Variants in SLIT3 observed in about 807,000 individuals in gnomAD.
The protein encoded by SLIT3 is slit guidance ligand 3.
In SLIT3, 68 loss-of-function variants were observed where a neutral mutation model predicts 184.0. That is an observed-to-expected ratio of 0.37 (90% CI 0.30 to 0.45). The LOEUF (loss-of-function observed/expected upper bound fraction) is 0.45, where lower values mean the gene tolerates loss of function less well. Among genes scored for constraint, SLIT3 ranks in the 20% least tolerant of loss-of-function variants. SLIT3 has a pLI of 1.00. For missense variants in SLIT3, 1,707 were observed against 2,026.0 expected, an observed-to-expected ratio of 0.84 and a Z score of 3.02; for synonymous variants, 831 against 828.6, an observed-to-expected ratio of 1.00 and a Z score of -0.05.
At chr5:168,808,657 A>C (rs962346650) in intron 8 of SLIT3, among the ~76,000 whole-genome samples, 2 of 152,136 alleles carry the variant, frequency 1.3e-5, no homozygotes, top group Non-Finnish European at 1.5e-5. Flanking sequence ...GTCAGTGAAT[A>C]AGGAGTTTGG....
chr5:169,091,405 G>A (rs576818391), intron 4 of SLIT3, among the ~76,000 whole-genome samples: 1 of 152,192 alleles, frequency 6.6e-6, no homozygotes, highest in South Asian at 2.1e-4. Context: ...ATAAGGGGGA[G>A]CCATGGAGAA....
chr5:169,288,558 T>C (rs1179588210), intron 1 of SLIT3, among the ~76,000 whole-genome samples: 1 of 152,194 alleles, frequency 6.6e-6, no homozygotes, highest in Non-Finnish European at 1.5e-5. Context: ...GCCTTGTCAG[T>C]CATTTAGAGG....
At chr5:169,181,664 C>T (rs1763159963) in intron 4 of SLIT3, among the ~76,000 whole-genome samples, 1 of 151,432 alleles carries the variant, frequency 6.6e-6, no homozygotes, top group South Asian at 2.1e-4. Context: ...TCGCATGAAC[C>T]TGGGAGGTGG....
chr5:168,982,135 T>C (rs991728864), intron 4 of SLIT3, among the ~76,000 whole-genome samples: 1 of 152,264 alleles, frequency 6.6e-6, no homozygotes, highest in African/African-American at 2.4e-5. Context: ...TTTATGCCTG[T>C]GTAATCTAAT....
At position 168,953,773 on chromosome 5, in the gene SLIT3, T is replaced by C. The variant is rs577384386; in HGVS notation, c.414-70437A>G. Among the ~76,000 whole-genome samples the C allele has an allele frequency of 4.6e-5, 7 of 152,318 alleles. No homozygotes were observed. The South Asian group carries it at 1.0e-3, about 23-fold the overall frequency. On this transcript the variant is annotated intron_variant, in intron 4 of 35. Transcript: ENST00000519560. ...TGAAAGCATATTCTCACCCACACTC[T>C]CTTTTGGGCTCCATAATTTACTCTC...
chr5:169,119,681 C>T (rs775875549), intron 4 of SLIT3, among the ~76,000 whole-genome samples: 2 of 152,118 alleles, frequency 1.3e-5, no homozygotes, highest in Non-Finnish European at 2.9e-5. Context: ...GACAGAAGAA[C>T]GTGTCTTTGG....
chr5:168,706,040 A>G (rs187251539), intron 26 of SLIT3, among the ~76,000 whole-genome samples: 3 of 152,364 alleles, frequency 2.0e-5, no homozygotes, highest in East Asian at 3.9e-4. Flanking sequence ...ATGCAGTCAC[A>G]GTTCTAGGAG....
intron 1 of SLIT3, among the ~76,000 whole-genome samples, chr5:169,278,388 G>A (rs1766886025): frequency 6.6e-6 from 1 of 152,170 alleles, no homozygotes; most frequent in Non-Finnish European, 1.5e-5. Flanking sequence ...TAAACAGACT[G>A]GCCTGAATTA....
chr5:169,083,026 C>T (rs189926611), intron 4 of SLIT3, among the ~76,000 whole-genome samples: 2 of 141,144 alleles, frequency 1.4e-5, no homozygotes, highest in East Asian at 3.4e-4. Flanking sequence ...TAAATCTCTA[C>T]CATATGTAAC....
intron 5 of SLIT3, among the ~76,000 whole-genome samples, chr5:168,856,262 C>T (rs1386051956): frequency 6.6e-6 from 1 of 152,182 alleles, no homozygotes; most frequent in Non-Finnish European, 1.5e-5. Context: ...CTTGCTCTTT[C>T]CATGACAGGC....
chr5:168,844,659 T>C lies in SLIT3; in HGVS notation c.486-4A>G, dbSNP rs1758392588. 1 of 1,614,038 alleles carries C rather than the reference T, an allele frequency of 6.2e-7. No individual in the cohort carries two copies. The highest frequency in any genetic ancestry group is 8.5e-7 in the Non-Finnish European group (1 of 1,179,990). On this transcript the variant is annotated splice_polypyrimidine_tract_variant and splice_region_variant and intron_variant, in intron 5 of 35. Transcript: ENST00000519560. ...GATGTGGTTGTTGTCCAGTTGCCTG[T>C]GGAAAAGCAGGGGAGAGCATGAAGG...
At chr5:168,909,720 C>T (rs964223682) in intron 4 of SLIT3, among the ~76,000 whole-genome samples, 63 of 152,152 alleles carry the variant, frequency 4.1e-4, no homozygotes, top group African/African-American at 1.5e-3. Flanking sequence ...AAAACGATGC[C>T]TCCTGCTTTC....
At chr5:168,677,783 G>T (rs955897052) in intron 32 of SLIT3, among the ~76,000 whole-genome samples, 2 of 152,186 alleles carry the variant, frequency 1.3e-5, no homozygotes, top group Non-Finnish European at 2.9e-5. Context: ...CGTGGCCTGT[G>T]ACACCTAGCA....
At chr5:169,156,139 G>A (rs1364592040) in intron 4 of SLIT3, among the ~76,000 whole-genome samples, 1 of 152,188 alleles carries the variant, frequency 6.6e-6, no homozygotes, top group Non-Finnish European at 1.5e-5. Flanking sequence ...TCTGCAGAAT[G>A]TCAGGCTCAC....
At chr5:168,828,407 G>C (rs922756201) in intron 6 of SLIT3, among the ~76,000 whole-genome samples, 1 of 152,084 alleles carries the variant, frequency 6.6e-6, no homozygotes, top group African/African-American at 2.4e-5. Flanking sequence ...ACAGCGGGAG[G>C]ACTGCTTGAG....
At chr5:169,138,289 T>C (rs919312705) in intron 4 of SLIT3, among the ~76,000 whole-genome samples, 1 of 152,194 alleles carries the variant, frequency 6.6e-6, no homozygotes, top group Non-Finnish European at 1.5e-5. Flanking sequence ...CTACAGCCAA[T>C]GACTGGTGGA....
intron 25 of SLIT3, 95 bp downstream of exon 25, chr5:168,710,800 G>T: frequency 9.0e-7 from 1 of 1,114,462 alleles, no homozygotes; most frequent in South Asian, 2.7e-5. Context: ...GGTTTCTGAA[G>T]CCACATCTGT....
chr5:169,045,314 C>A (rs1757589591), intron 4 of SLIT3, among the ~76,000 whole-genome samples: 1 of 151,962 alleles, frequency 6.6e-6, no homozygotes, highest in African/African-American at 2.4e-5. Context: ...TCCTCACTGC[C>A]CGGGCTTTCC....
chr5:168,904,886 G>A (rs765219551), intron 4 of SLIT3, among the ~76,000 whole-genome samples: 3 of 152,178 alleles, frequency 2.0e-5, no homozygotes, highest in African/African-American at 7.2e-5. Context: ...GTGATATCCG[G>A]CTGGGTGTGG....
Sources: allele counts gnomAD v4.1 joint callset (sites outside exome capture counted in the v4.1 genomes callset), GRCh38; gene constraint gnomAD v4.1.1; transcripts MANE v1.5; gene names NCBI Gene and HGNC (gene_info 2026-07-23, HGNC 2026-07-21).